The following AHRR variants were observed in gnomAD, a reference collection of about 807,000 sequenced individuals.
The protein encoded by AHRR is ahR repressor.
A neutral mutation model predicts 44.0 loss-of-function variants in AHRR; 28 were observed. The observed-to-expected ratio is 0.64, with a 90% CI of 0.47 to 0.87. The LOEUF is 0.87. AHRR is among the 40% of genes least tolerant of loss of function. The pLI, the probability that AHRR is intolerant of heterozygous loss-of-function variation, is 0.00. For missense variants in AHRR, 990 were observed against 953.9 expected (o/e 1.04, Z -0.50); for synonymous variants, 434 against 407.0 (o/e 1.07, Z -0.80).
At position 415,305 on chromosome 5, in the gene AHRR, G is replaced by A. The variant is rs906070390; in HGVS notation, c.441+1872G>A. ...GATTAAAGCAAAAATCTGCCTGGTC[G>A]GGTGGGAGGCCTAGGGGCCGAATCT... On this transcript the variant is annotated intron_variant, in intron 5 of 10. Coordinates refer to ENST00000684583, the MANE Select transcript of AHRR (RefSeq NM_001377236.1). 7.6e-5 allele frequency among the ~76,000 whole-genome samples: 11 copies of A among 145,334 alleles called. 1 individual carries two copies. Among genetic ancestry groups the A allele is most frequent in the African/African-American group, 2.1e-4 (8 of 38,628 alleles).
At chr5:382,560 G>T (rs1734027272) in intron 4 of AHRR, among the ~76,000 whole-genome samples, 1 of 151,174 alleles carries the variant, frequency 6.6e-6, no homozygotes, top group Non-Finnish European at 1.5e-5. Context: ...TGAGTTACAG[G>T]CTTATCAATT....
chr5:433,827 A>G, intron 10 of AHRR, 26 bp from the exon 11 acceptor site: 1 of 1,477,352 alleles, frequency 6.8e-7, no homozygotes, highest in African/African-American at 1.4e-5. Flanking sequence ...AGCTGCTGTC[A>G]AATGGGCCCC....
intron 1 of AHRR, among the ~76,000 whole-genome samples, chr5:340,688 A>ATATATATATATTTTTTTTTT (rs1269938749): frequency 1.5e-4 from 2 of 12,916 alleles, no homozygotes; most frequent in Non-Finnish European, 2.5e-4. Flanking sequence ...ATATATATAT[A>ATATATATATATTTTTTTTTT]TTTTTTTTTT....
chr5:354,287 C>G (rs554037364), intron 3 of AHRR, among the ~76,000 whole-genome samples: 2 of 152,230 alleles, frequency 1.3e-5, no homozygotes, highest in African/African-American at 4.8e-5. Flanking sequence ...CCACAGACCC[C>G]GGCTCCAGGG....
intron 3 of AHRR, 60 bp from the exon 4 acceptor site, chr5:376,550 G>GA: frequency 2.1e-6 from 3 of 1,422,294 alleles, no homozygotes; most frequent in South Asian, 2.8e-5. Context: ...AGATGTGAAT[G>GA]AAGAAGAGTG....
At chr5:397,757 GT>G (rs1376485097) in intron 4 of AHRR, among the ~76,000 whole-genome samples, 3 of 103,896 alleles carry the variant, frequency 2.9e-5, no homozygotes, top group Non-Finnish European at 5.9e-5. Context: ...GACCGTCCAT[GT>G]TAGCCCCTGA....
At chr5:345,538 CTG>C (rs1742635444) in intron 2 of AHRR, among the ~76,000 whole-genome samples, 3 of 108,196 alleles carry the variant, frequency 2.8e-5, no homozygotes, top group Admixed American at 9.8e-5. Context: ...ATGTCTCTGG[CTG>C]TGTGTGGGGA....
intron 4 of AHRR, among the ~76,000 whole-genome samples, chr5:381,336 G>A (rs1029313032): frequency 1.3e-5 from 2 of 152,104 alleles, no homozygotes; most frequent in Non-Finnish European, 2.9e-5. Flanking sequence ...AATAGAGTTG[G>A]TTTTATATTT....
rs1560927586 is a variant in AHRR at position 434,497 on chromosome 5, AC to A, written c.1759del (p.Leu587TrpfsTer22). ...TCTCGGCAACAGGTGTACATCTCGC[AC>A]CTGGGGCACGGCGTGCGGGGGGCTC... The part of the protein sequence containing the change: ...PDSRQQVYIS[H>X]LGHGVRGAQP... On this transcript the variant is annotated frameshift_variant, in exon 11 of 11. Coordinates refer to ENST00000684583, the MANE Select transcript of AHRR (RefSeq NM_001377236.1). 6.2e-7 allele frequency: 1 copy of A among 1,612,992 alleles called. No individual in the cohort carries two copies. Among genetic ancestry groups the A allele is most frequent in the South Asian group, 1.1e-5 (1 of 91,046 alleles).
intron 3 of AHRR, among the ~76,000 whole-genome samples, chr5:361,759 A>G (rs1257544432): frequency 1.3e-5 from 2 of 152,116 alleles, no homozygotes; most frequent in African/African-American, 4.8e-5. Flanking sequence ...TGTATTTTAG[A>G]AGGACGTGGC....
chr5:363,997 T>C (rs570966674), intron 3 of AHRR, among the ~76,000 whole-genome samples: 24 of 152,382 alleles, frequency 1.6e-4, no homozygotes, highest in African/African-American at 4.6e-4. Context: ...AAAGAGCTGC[T>C]ATGGTCTTTG....
At chr5:402,681 C>G (rs751141106) in intron 4 of AHRR, among the ~76,000 whole-genome samples, 32 of 151,878 alleles carry the variant, frequency 2.1e-4, no homozygotes, top group Non-Finnish European at 3.7e-4. Flanking sequence ...GGGCATTTAC[C>G]CAAATTAAAA....
At chr5:403,295 A>G (rs1366027494) in intron 4 of AHRR, among the ~76,000 whole-genome samples, 6 of 152,194 alleles carry the variant, frequency 3.9e-5, no homozygotes, top group Non-Finnish European at 5.9e-5. Flanking sequence ...TGATGGTTGC[A>G]CAACAATGTG....
chr5:326,268 C>T lies in AHRR; in HGVS notation c.-11+4449C>T, dbSNP rs570030405. Among the ~76,000 whole-genome samples, 1 of 152,354 alleles carries T rather than the reference C, an allele frequency of 6.6e-6. No homozygotes were observed. Among genetic ancestry groups the T allele is most frequent in the South Asian group, 2.1e-4 (1 of 4,824 alleles). ...GGCAGTCACTCCCCAGTCCCTGCTC[C>T]CAGGTCCTGGCCACCACGAACCTTT... On this transcript the variant is annotated intron_variant, in intron 1 of 10. Transcript: ENST00000684583. This position sits in a 1 kb window ranked among gnomAD's most constrained non-coding sequence, Gnocchi z 4.1.
intron 8 of AHRR, among the ~76,000 whole-genome samples, chr5:430,882 T>C (rs1035895437): frequency 1.3e-5 from 2 of 152,128 alleles, no homozygotes; most frequent in Admixed American, 1.3e-4. Context: ...TTTTAAAGGA[T>C]GGAAATGTAG....
At chr5:409,879 C>G (rs1438159306) in intron 4 of AHRR, among the ~76,000 whole-genome samples, 1 of 152,076 alleles carries the variant, frequency 6.6e-6, no homozygotes, top group Non-Finnish European at 1.5e-5. Flanking sequence ...TCCTGGGTTT[C>G]TTCTGGAAGC....
At chr5:431,677 A>G (rs531926162) in intron 8 of AHRR, among the ~76,000 whole-genome samples, 3 of 149,046 alleles carry the variant, frequency 2.0e-5, no homozygotes, top group Non-Finnish European at 3.0e-5. Flanking sequence ...AGCTTTTCCC[A>G]CAGGGGTTTT....
intron 2 of AHRR, among the ~76,000 whole-genome samples, chr5:346,077 A>T (rs1279538513): frequency 6.6e-6 from 1 of 152,142 alleles, no homozygotes. Flanking sequence ...CCAGGCACAC[A>T]GCCGAGGCCG....
intron 4 of AHRR, among the ~76,000 whole-genome samples, chr5:386,065 T>A (rs1308794465): frequency 6.6e-6 from 1 of 152,274 alleles, no homozygotes; most frequent in Non-Finnish European, 1.5e-5. Context: ...TCATTCTTTT[T>A]TTCAGTGTCT....
Sources: allele counts gnomAD v4.1 joint callset (sites outside exome capture counted in the v4.1 genomes callset), GRCh38; gene constraint gnomAD v4.1.1; non-coding constraint Gnocchi (gnomAD v3.1); transcripts MANE v1.5; gene names NCBI Gene and HGNC (gene_info 2026-07-23, HGNC 2026-07-21).